AKAP7: variants seen among roughly 807,000 people sequenced by gnomAD.
AKAP7 encodes the protein A kinase (PRKA) anchor protein 7.
A neutral mutation model predicts 39.5 loss-of-function variants in AKAP7; 39 were observed. The ratio of observed to expected loss-of-function variants is 0.99; its 90% CI spans 0.76 to 1.29. AKAP7 has a LOEUF of 1.29. AKAP7 is among the 50% of genes most tolerant of loss of function. The pLI, the probability that AKAP7 is intolerant of heterozygous loss-of-function variation, is 0.00. For synonymous variants in AKAP7, 140 were observed against 139.1 expected, an observed-to-expected ratio of 1.01 and a Z score of -0.05; for missense variants, 414 against 407.7, an observed-to-expected ratio of 1.02 and a Z score of -0.13.
intron 4 of AKAP7, among the ~76,000 whole-genome samples, chr6:131,167,552 A>G (rs901462487): frequency 2.0e-5 from 3 of 152,220 alleles, no homozygotes; most frequent in African/African-American, 7.2e-5. Context: ...ACTGACTTAA[A>G]AGTATGTGCA....
At chr6:131,269,658 A>G (rs1347740324) in intron 7 of AKAP7, among the ~76,000 whole-genome samples, 2 of 152,232 alleles carry the variant, frequency 1.3e-5, no homozygotes, top group African/African-American at 4.8e-5. Flanking sequence ...GGGTGATCAC[A>G]TGTCAATCAG....
chr6:131,201,072 T>C (rs556540788), intron 6 of AKAP7, among the ~76,000 whole-genome samples: 2 of 152,322 alleles, frequency 1.3e-5, no homozygotes, highest in South Asian at 4.1e-4. Context: ...GAATCAATCT[T>C]ACCCTATAGA....
intron 5 of AKAP7, 109 bp downstream of exon 5, chr6:131,169,382 A>T (rs1803814455): frequency 4.1e-6 from 5 of 1,232,448 alleles, no homozygotes. Flanking sequence ...GATGGACTAG[A>T]CTCAAGTATT....
chr6:131,128,822 C>CAAAAA, the AKAP7 span, among the ~76,000 whole-genome samples: 1 of 125,110 alleles, frequency 8.0e-6, no homozygotes, highest in East Asian at 2.2e-4. Context: ...AACTCCATCT[C>CAAAAA]AAAAAAAAAA....
chr6:131,233,063 T>A (rs572199068), intron 7 of AKAP7, among the ~76,000 whole-genome samples: 7 of 152,184 alleles, frequency 4.6e-5, no homozygotes, highest in Admixed American at 1.3e-4. Flanking sequence ...TTTTATATCA[T>A]AGGTGAAGAT....
intron 7 of AKAP7, among the ~76,000 whole-genome samples, chr6:131,224,281 G>A (rs1248115246): frequency 6.6e-6 from 1 of 151,940 alleles, no homozygotes. Flanking sequence ...TTAGATTTGG[G>A]ATACTTTGTT....
chr6:131,157,040 G>T (rs1420132617), intron 2 of AKAP7, among the ~76,000 whole-genome samples: 1 of 152,100 alleles, frequency 6.6e-6, no homozygotes, highest in Non-Finnish European at 1.5e-5. Context: ...CTCCCAAAGT[G>T]CTGGGATTAC....
intron 7 of AKAP7, among the ~76,000 whole-genome samples, chr6:131,225,398 G>A (rs1467264640): frequency 6.6e-6 from 1 of 152,144 alleles, no homozygotes; most frequent in Non-Finnish European, 1.5e-5. Flanking sequence ...TCATCCGTAA[G>A]GAGTTGGGAT....
chr6:131,161,057 T>C (rs1215019701), intron 3 of AKAP7, among the ~76,000 whole-genome samples: 1 of 152,212 alleles, frequency 6.6e-6, no homozygotes, highest in Non-Finnish European at 1.5e-5. Context: ...ACCAGGCACA[T>C]TTCCACATTG....
At chr6:131,227,545 G>A (rs568916514) in intron 7 of AKAP7, among the ~76,000 whole-genome samples, 8 of 152,182 alleles carry the variant, frequency 5.3e-5, no homozygotes, top group Non-Finnish European at 8.8e-5. Flanking sequence ...ACACAGGACC[G>A]AGTCCTAAAG....
intron 7 of AKAP7, among the ~76,000 whole-genome samples, chr6:131,256,708 CATT>C (rs3836928): frequency 0.3 from 45,161 of 148,306 alleles, 7,044 homozygotes; most frequent in Middle Eastern, 0.4. Flanking sequence ...CTTCCTGGGA[CATT>C]ATTATTATTA....
rs1222384845 is a variant in AKAP7, at chr6:131,282,626, A to G, written c.*900A>G. The G allele has an allele frequency of 2.0e-6, 3 of 1,510,108 alleles. No homozygotes were observed. Among genetic ancestry groups the G allele is most frequent in the East Asian group, 2.5e-5 (1 of 40,702 alleles). 93.5% of individuals were successfully genotyped at this position (1,510,108 alleles called of 1,614,324 possible). The stretch of plus-strand genomic sequence containing the variant: ...ATAAGCTCTACATTGCGATTGTGAC[A>G]ACATAGCTTATGAAATCTTTTCAGC... On this transcript the variant is annotated 3_prime_UTR_variant, in exon 8 of 8. Transcript: ENST00000431975.
At chr6:131,142,517 G>A (rs1043622627) in intron 1 of AKAP7, among the ~76,000 whole-genome samples, 2 of 152,240 alleles carry the variant, frequency 1.3e-5, no homozygotes, top group Non-Finnish European at 2.9e-5. Context: ...AAGAGTGAAG[G>A]AGGCATGGCA....
chr6:131,252,707 G>GT (rs1481831785), intron 7 of AKAP7, among the ~76,000 whole-genome samples: 2 of 152,198 alleles, frequency 1.3e-5, no homozygotes, highest in Non-Finnish European at 2.9e-5. Context: ...TATCTAGTCT[G>GT]TAAGTTGTGC....
intron 7 of AKAP7, among the ~76,000 whole-genome samples, chr6:131,240,538 G>A (rs1412952565): frequency 6.6e-6 from 1 of 152,214 alleles, no homozygotes; most frequent in African/African-American, 2.4e-5. Flanking sequence ...GCCTCCTTGA[G>A]CTGCTGTGGG....
At chr6:131,265,891 C>T (rs1035388555) in intron 7 of AKAP7, among the ~76,000 whole-genome samples, 5 of 152,134 alleles carry the variant, frequency 3.3e-5, no homozygotes, top group African/African-American at 1.2e-4. Context: ...TAGATGCGTA[C>T]TATGACGTCT....
chr6:131,263,587 A>T (rs1393686601), intron 7 of AKAP7, among the ~76,000 whole-genome samples: 1 of 152,210 alleles, frequency 6.6e-6, no homozygotes, highest in Non-Finnish European at 1.5e-5. Context: ...AAAATTTCCC[A>T]GAAGATGGAA....
intron 7 of AKAP7, among the ~76,000 whole-genome samples, chr6:131,241,626 T>TGTGTGTGTGTGTGTATAC (rs1562238185): frequency 2.2e-5 from 3 of 135,646 alleles, no homozygotes; most frequent in African/African-American, 3.2e-5. Flanking sequence ...TGTGTGTGTG[T>TGTGTGTGTGTGTGTATAC]GTATATATAT....
chr6:131,250,231 CA>C (rs1166345735), intron 7 of AKAP7: 2 of 1,038,320 alleles, frequency 1.9e-6, no homozygotes, highest in Non-Finnish European at 2.3e-6. Context: ...AAGACATATG[CA>C]AATAGCCAGA....
Sources: gnomAD v4.1 joint callset for allele counts (sites outside exome capture counted in the v4.1 genomes callset) on GRCh38, gnomAD v4.1.1 for gene constraint, MANE v1.5 for transcripts, NCBI Gene and HGNC (gene_info 2026-07-23, HGNC 2026-07-21) for gene names.